Variants in EIF3E observed in about 807,000 individuals in gnomAD.
EIF3E encodes eukaryotic translation initiation factor 3 subunit E.
In EIF3E, 25 loss-of-function variants were observed where a neutral mutation model predicts 59.3. That is an observed-to-expected ratio of 0.42 (90% CI 0.31 to 0.59). EIF3E has a LOEUF of 0.59. EIF3E is among the 20% of genes least tolerant of loss of function. EIF3E has a pLI of 0.15. For synonymous variants in EIF3E, 176 were observed against 170.2 expected (o/e 1.03, Z -0.26); for missense variants, 317 against 534.3 (o/e 0.59, Z 4.01).
intron 10 of EIF3E, among the ~76,000 whole-genome samples, chr8:108,204,746 T>TATAGAGAGAGAGAGAGAGAGAGAGAG (rs1354950271): frequency 8.8e-6 from 1 of 113,688 alleles, no homozygotes; most frequent in East Asian, 2.9e-4. Flanking sequence ...TATATATATA[T>TATAGAGAGAGAGAGAGAGAGAGAGAG]AGAGAGAGAG....
At chr8:108,234,036 A>ATATT (rs1001582128) in intron 5 of EIF3E, among the ~76,000 whole-genome samples, 1 of 151,838 alleles carries the variant, frequency 6.6e-6, no homozygotes, top group Non-Finnish European at 1.5e-5. Flanking sequence ...GGCCTGATAT[A>ATATT]TATTTATTTA....
chr8:108,242,754 G>A lies in EIF3E; in HGVS notation c.91-841C>T, dbSNP rs1026450233. ...GAAATGGCTAAAAGATAGGCACTTC[G>A]CAAAAGAAGACAACCAAATGGCCAA... On this transcript the variant is annotated intron_variant, in intron 1 of 12. Coordinates refer to ENST00000220849, the MANE Select transcript of EIF3E (RefSeq NM_001568.3). 2.8e-4 allele frequency: 238 copies of A among 836,716 alleles called. 1 individual carries two copies. The highest frequency in any genetic ancestry group is 6.0e-4 in the Middle Eastern group (1 of 1,668). 51.8% of individuals were successfully genotyped at this position (836,716 alleles called of 1,614,324 possible).
intron 4 of EIF3E, 71 bp from the exon 5 acceptor site, chr8:108,235,173 C>A (rs1397681086): frequency 2.2e-6 from 2 of 911,964 alleles, no homozygotes; most frequent in South Asian, 2.4e-5. Context: ...ATTCATAAGT[C>A]TTTGAGGTCA....
chr8:108,242,643 G>A (rs943475653), intron 1 of EIF3E: 9 of 1,151,746 alleles, frequency 7.8e-6, no homozygotes, highest in African/African-American at 4.8e-5. Context: ...TGGTCAAAGG[G>A]TATTTAGCCA....
At chr8:108,243,340 A>C (rs1401468658) in intron 1 of EIF3E, 1 of 152,362 alleles carries the variant, frequency 6.6e-6, no homozygotes, top group Non-Finnish European at 1.5e-5. Context: ...ATGAAGGTTT[A>C]AGGATGTCGC....
Position 108,239,938 on chromosome 8 carries a change from C to G in EIF3E, c.323+20G>C. Reference sequence around the variant, plus strand: ...TCCAGAAAGGAGAATTTTTAGAATTCAAAATTAAGACGAGTTTACCTGGTT... The same window carrying G: ...TCCAGAAAGGAGAATTTTTAGAATTGAAAATTAAGACGAGTTTACCTGGTT... On this transcript the variant is annotated intron_variant, in intron 3 of 12. Coordinates refer to ENST00000220849, the MANE Select transcript of EIF3E (RefSeq NM_001568.3). 1 of 1,575,210 alleles carries G rather than the reference C, an allele frequency of 6.3e-7. No individual in the cohort carries two copies. Among genetic ancestry groups the G allele is most frequent in the Non-Finnish European group, 8.7e-7 (1 of 1,145,608 alleles).
chr8:108,234,951 T>C, intron 5 of EIF3E, 47 bp downstream of exon 5: 2 of 1,115,684 alleles, frequency 1.8e-6, no homozygotes, highest in Non-Finnish European at 2.3e-6. Flanking sequence ...AAGGGAATCC[T>C]ACAAAAGACA....
intron 12 of EIF3E, among the ~76,000 whole-genome samples, chr8:108,202,227 A>T (rs1454174398): frequency 6.6e-6 from 1 of 152,110 alleles, no homozygotes; most frequent in East Asian, 1.9e-4. Context: ...ATCATATGAA[A>T]GTTACTTTCT....
intron 5 of EIF3E, chr8:108,234,757 T>G (rs569542172): frequency 3.3e-6 from 1 of 298,776 alleles, no homozygotes; most frequent in South Asian, 1.1e-4. Context: ...ATCATAAAAT[T>G]GTTCCTACTT....
At chr8:108,236,874 T>C (rs1403128860) in intron 3 of EIF3E, among the ~76,000 whole-genome samples, 1 of 151,700 alleles carries the variant, frequency 6.6e-6, no homozygotes, top group Non-Finnish European at 1.5e-5. Context: ...ATACAAAAAT[T>C]AGCCAGGCAT....
At chr8:108,238,672 G>A (rs1258921469) in intron 3 of EIF3E, among the ~76,000 whole-genome samples, 2 of 151,972 alleles carry the variant, frequency 1.3e-5, no homozygotes, top group Non-Finnish European at 2.9e-5. Flanking sequence ...AGTATAGTAC[G>A]CTATAGTATG....
intron 7 of EIF3E, among the ~76,000 whole-genome samples, chr8:108,220,499 G>A (rs1018061468): frequency 2.6e-5 from 4 of 152,184 alleles, no homozygotes; most frequent in African/African-American, 7.2e-5. Context: ...AAAGCAGCTG[G>A]CTTTTTATTA....
chr8:108,226,921 CTTA>C (rs1180752077), intron 7 of EIF3E, among the ~76,000 whole-genome samples: 1 of 152,184 alleles, frequency 6.6e-6, no homozygotes, highest in African/African-American at 2.4e-5. Context: ...ATTTAGAATT[CTTA>C]TTATTTCATT....
intron 6 of EIF3E, 41 bp from the exon 7 acceptor site, chr8:108,228,432 A>T (rs373610311): frequency 3.4e-5 from 47 of 1,367,876 alleles, no homozygotes; most frequent in East Asian, 3.1e-4. Flanking sequence ...ATATTAATAT[A>T]TAAGAAAGAG....
intron 5 of EIF3E, among the ~76,000 whole-genome samples, chr8:108,232,684 T>A (rs898683843): frequency 4.6e-5 from 7 of 152,124 alleles, no homozygotes; most frequent in Non-Finnish European, 1.0e-4. Flanking sequence ...GTGTAGCAAG[T>A]TTTTTAATCC....
At chr8:108,226,636 T>C (rs145957734) in intron 7 of EIF3E, among the ~76,000 whole-genome samples, 1 of 152,344 alleles carries the variant, frequency 6.6e-6, no homozygotes, top group Non-Finnish European at 1.5e-5. Flanking sequence ...TTTCAGTGTA[T>C]ATCTATCTAA....
intron 7 of EIF3E, among the ~76,000 whole-genome samples, chr8:108,220,183 G>A (rs1445964213): frequency 6.6e-6 from 1 of 151,850 alleles, no homozygotes; most frequent in African/African-American, 2.4e-5. Flanking sequence ...ACATGCACAG[G>A]CACTAGTAAA....
intron 7 of EIF3E, among the ~76,000 whole-genome samples, chr8:108,222,828 G>GTTTTTTT (rs11320166): frequency 7.4e-6 from 1 of 134,292 alleles, no homozygotes; most frequent in South Asian, 2.3e-4. Context: ...AATTTTCTTA[G>GTTTTTTT]TTTTTTTTTT....
chr8:108,236,018 T>A (rs1206679094), intron 4 of EIF3E, 143 bp downstream of exon 4: 2 of 632,712 alleles, frequency 3.2e-6, no homozygotes, highest in African/African-American at 3.8e-5. Flanking sequence ...ACTGAAGTTT[T>A]AAAAATATAA....
Sources: gnomAD v4.1 joint callset for allele counts (sites outside exome capture counted in the v4.1 genomes callset) on GRCh38, gnomAD v4.1.1 for gene constraint, MANE v1.5 for transcripts, NCBI Gene and HGNC (gene_info 2026-07-23, HGNC 2026-07-21) for gene names.